Variants in MAGI2 observed in about 807,000 individuals in gnomAD.
MAGI2 encodes membrane associated guanylate kinase, WW and PDZ domain containing 2, also known as membrane-associated guanylate kinase, WW and PDZ domain-containing protein 2.
In MAGI2, 35 loss-of-function variants were observed where a neutral mutation model predicts 133.3. The observed-to-expected ratio is 0.26, with a 90% CI of 0.20 to 0.35. The LOEUF (loss-of-function observed/expected upper bound fraction) is 0.35, where lower values mean the gene tolerates loss of function less well. Ranked by LOEUF, MAGI2 falls within the 10% of genes least tolerant of loss-of-function variation. The pLI is 1.00. For synonymous variants in MAGI2, 729 were observed against 710.6 expected, an observed-to-expected ratio of 1.03 and a Z score of -0.41; for missense variants, 1,636 against 1,863.4, an observed-to-expected ratio of 0.88 and a Z score of 2.25.
At chr7:78,997,978 G>C (rs1188180891) in intron 2 of MAGI2, among the ~76,000 whole-genome samples, 2 of 152,116 alleles carry the variant, frequency 1.3e-5, no homozygotes, top group Admixed American at 6.5e-5. Context: ...TTCTAAAGGA[G>C]GAGAGCAATT....
rs368629441 is a variant in MAGI2, at chr7:78,178,660, A to G, written c.2312-558T>C. ...AGTTGTCTCTTTTAAAATTGCAAAA[A>G]TTAGAAGATATAGAATTTAAACTTT... On this transcript the variant is annotated intron_variant, in intron 13 of 21. Coordinates refer to ENST00000354212, the MANE Select transcript of MAGI2 (RefSeq NM_012301.4). Among the ~76,000 whole-genome samples, 298 of 152,194 alleles carry G rather than the reference A, an allele frequency of 2.0e-3. 1 individual carries two copies. Among genetic ancestry groups the G allele is most frequent in the South Asian group, 0.017 (83 of 4,810 alleles).
At chr7:78,407,928 C>T (rs917222094) in intron 6 of MAGI2, among the ~76,000 whole-genome samples, 16 of 151,728 alleles carry the variant, frequency 1.1e-4, no homozygotes, top group Admixed American at 4.0e-4. Context: ...GACCCCTCCT[C>T]GGAACCTTGT....
chr7:79,433,754 G>T (rs987780063), intron 1 of MAGI2, among the ~76,000 whole-genome samples: 1 of 151,936 alleles, frequency 6.6e-6, no homozygotes, highest in Non-Finnish European at 1.5e-5. Flanking sequence ...GTTACACACG[G>T]ACTCTCAAGT....
intron 2 of MAGI2, among the ~76,000 whole-genome samples, chr7:78,801,552 A>AC (rs1469360094): frequency 6.6e-6 from 1 of 152,134 alleles, no homozygotes; most frequent in Non-Finnish European, 1.5e-5. Flanking sequence ...ACCTCTGCAA[A>AC]CCATGTAGGA....
At chr7:79,122,481 G>A (rs547716524) in intron 1 of MAGI2, among the ~76,000 whole-genome samples, 42 of 152,152 alleles carry the variant, frequency 2.8e-4, no homozygotes, top group African/African-American at 9.9e-4. Context: ...AAAAGGAAAT[G>A]AGTCATTACC....
intron 2 of MAGI2, among the ~76,000 whole-genome samples, chr7:78,866,431 G>A (rs925902815): frequency 6.6e-6 from 1 of 151,982 alleles, no homozygotes; most frequent in African/African-American, 2.4e-5. Context: ...TTTATGGGTG[G>A]GGGAGGGAAA....
chr7:79,078,447 T>G (rs1301879478), intron 1 of MAGI2, among the ~76,000 whole-genome samples: 3 of 152,148 alleles, frequency 2.0e-5, no homozygotes, highest in Non-Finnish European at 2.9e-5. Context: ...ATGAAAGGAT[T>G]TCTTATCTAC....
At position 78,041,727 on chromosome 7, in the gene MAGI2, C is replaced by A. The variant is rs144995594; in HGVS notation, c.3707-21751G>T. Reference sequence around the variant, plus strand: ...CCAAAACAAAAGGCTGGAAAGTCAGCTTCCTGAATGCCAGTTGGTGGGCTG... The same window carrying A: ...CCAAAACAAAAGGCTGGAAAGTCAGATTCCTGAATGCCAGTTGGTGGGCTG... On this transcript the variant is annotated intron_variant, in intron 21 of 21. Coordinates refer to ENST00000354212, the MANE Select transcript of MAGI2 (RefSeq NM_012301.4). Among the ~76,000 whole-genome samples the A allele has an allele frequency of 3.4e-3, 511 of 152,266 alleles. 3 individuals are homozygous for A. The highest frequency in any genetic ancestry group is 0.012 in the African/African-American group (479 of 41,552).
chr7:78,770,907 G>A (rs1825522518), intron 2 of MAGI2: 1 of 152,208 alleles, frequency 6.6e-6, no homozygotes, highest in Non-Finnish European at 1.5e-5. Context: ...ACCTTTCCAT[G>A]GTCCTCAGTC....
chr7:78,539,484 T>C (rs927844301), intron 3 of MAGI2, among the ~76,000 whole-genome samples: 7 of 143,976 alleles, frequency 4.9e-5, no homozygotes, highest in Non-Finnish European at 1.6e-5. Context: ...TTTTGTTTTT[T>C]TGTTTTTTTG....
rs772503971 is a variant in MAGI2, at chr7:78,018,271, TATA to T, written c.*1041_*1043del. 6.5e-5 allele frequency: 10 copies of T among 152,732 alleles called. No individual in the cohort carries two copies. Among genetic ancestry groups the T allele is most frequent in the Non-Finnish European group, 1.3e-4 (9 of 68,028 alleles). The allele number at this position is 152,732 out of a possible 1,614,324, so 9.5% of individuals were successfully genotyped here. ...TAAATTGATTGTAATTTTTTAATAT[TATA>T]ATCTGAGAAATATAAGACAAATACT... On this transcript the variant is annotated 3_prime_UTR_variant, in exon 22 of 22. Transcript: ENST00000354212.
chr7:78,771,260 C>A (rs1036148576), intron 2 of MAGI2: 1 of 152,288 alleles, frequency 6.6e-6, no homozygotes, highest in African/African-American at 2.4e-5. Flanking sequence ...CCCGGTCAGT[C>A]AGGGGCATTT....
At chr7:79,156,283 C>T (rs1272399514) in intron 1 of MAGI2, among the ~76,000 whole-genome samples, 1 of 152,020 alleles carries the variant, frequency 6.6e-6, no homozygotes, top group Non-Finnish European at 1.5e-5. Flanking sequence ...TTGAGATAAC[C>T]CTATAAAACT....
At chr7:79,224,388 T>C (rs1465269914) in intron 1 of MAGI2, among the ~76,000 whole-genome samples, 1 of 152,092 alleles carries the variant, frequency 6.6e-6, no homozygotes, top group African/African-American at 2.4e-5. Context: ...TGTGCTATAG[T>C]AATGCTAAAC....
chr7:78,265,401 G>C (rs576501534), intron 9 of MAGI2, among the ~76,000 whole-genome samples: 1 of 152,260 alleles, frequency 6.6e-6, no homozygotes, highest in Admixed American at 6.5e-5. Flanking sequence ...TAAATAGCTT[G>C]CTCACGTTGG....
chr7:78,661,829 A>G (rs1374903891), intron 2 of MAGI2, among the ~76,000 whole-genome samples: 1 of 152,214 alleles, frequency 6.6e-6, no homozygotes, highest in Non-Finnish European at 1.5e-5. Context: ...AACTCAAAAG[A>G]AGACTCAGAG....
At chr7:79,306,427 A>G (rs1308794136) in intron 1 of MAGI2, among the ~76,000 whole-genome samples, 4 of 151,250 alleles carry the variant, frequency 2.6e-5, no homozygotes, top group Admixed American at 6.6e-5. Context: ...CTTCCAAAAT[A>G]TTGGGATTAC....
At chr7:78,945,900 A>G (rs1801380500) in intron 2 of MAGI2, among the ~76,000 whole-genome samples, 1 of 152,194 alleles carries the variant, frequency 6.6e-6, no homozygotes, top group African/African-American at 2.4e-5. Context: ...TAGCCCAGAG[A>G]TAGTCCTGCT....
chr7:78,481,951 T>C (rs1302133658), intron 6 of MAGI2, among the ~76,000 whole-genome samples: 1 of 151,886 alleles, frequency 6.6e-6, no homozygotes, highest in East Asian at 1.9e-4. Context: ...TAAAAGATCC[T>C]GTTAAGGGGA....
Sources: gnomAD v4.1 joint callset for allele counts (sites outside exome capture counted in the v4.1 genomes callset) on GRCh38, gnomAD v4.1.1 for gene constraint, MANE v1.5 for transcripts, NCBI Gene and HGNC (gene_info 2026-07-23, HGNC 2026-07-21) for gene names.